The following ITGA8 variants were observed in gnomAD, a reference collection of about 807,000 sequenced individuals.
ITGA8 encodes integrin subunit alpha 8.
ITGA8 carries 91 observed loss-of-function variants against 142.3 expected under a neutral mutation model. The observed-to-expected ratio is 0.64, with a 90% CI of 0.54 to 0.76. The LOEUF (loss-of-function observed/expected upper bound fraction) is 0.76. Ranked by LOEUF, ITGA8 falls within the 30% of genes least tolerant of loss-of-function variation. ITGA8 has a pLI of 0.00. For synonymous variants in ITGA8, 505 were observed against 485.2 expected, an observed-to-expected ratio of 1.04 and a Z score of -0.54; for missense variants, 1,406 against 1,327.7, an observed-to-expected ratio of 1.06 and a Z score of -0.92.
At chr10:15,535,762 G>GC (rs1833418665) in intron 27 of ITGA8, among the ~76,000 whole-genome samples, 1 of 152,158 alleles carries the variant, frequency 6.6e-6, no homozygotes, top group East Asian at 1.9e-4. Context: ...AAAGCAGGCT[G>GC]CCTGGGACAG....
intron 2 of ITGA8, among the ~76,000 whole-genome samples, chr10:15,690,596 A>G (rs763027916): frequency 6.6e-6 from 1 of 152,186 alleles, no homozygotes; most frequent in Non-Finnish European, 1.5e-5. Context: ...TGCCTGAAAC[A>G]TAGCACCCCG....
At chr10:15,580,618 G>C (rs968347207) in intron 23 of ITGA8, among the ~76,000 whole-genome samples, 7 of 152,074 alleles carry the variant, frequency 4.6e-5, no homozygotes, top group African/African-American at 1.2e-4. Context: ...TGCAAGATTG[G>C]TTTAAAATTC....
chr10:15,694,594 G>T (rs1187431210), intron 2 of ITGA8, among the ~76,000 whole-genome samples: 2 of 121,000 alleles, frequency 1.7e-5, no homozygotes, highest in Non-Finnish European at 3.4e-5. Context: ...TATATAAAAT[G>T]GATATATAAT....
intron 22 of ITGA8, among the ~76,000 whole-genome samples, chr10:15,591,734 G>A (rs1215093822): frequency 1.3e-5 from 2 of 152,182 alleles, no homozygotes; most frequent in African/African-American, 4.8e-5. Flanking sequence ...CTAGAGAAGG[G>A]CTTGCCCTCA....
intron 11 of ITGA8, among the ~76,000 whole-genome samples, chr10:15,654,897 T>C (rs1392670641): frequency 1.3e-5 from 2 of 152,352 alleles, no homozygotes; most frequent in East Asian, 3.9e-4. Context: ...GTTTGGTCCA[T>C]GTTCAACTGT....
At chr10:15,582,291 T>C (rs1252999563) in intron 23 of ITGA8, among the ~76,000 whole-genome samples, 2 of 152,138 alleles carry the variant, frequency 1.3e-5, no homozygotes, top group Non-Finnish European at 2.9e-5. Flanking sequence ...TCACACCAGA[T>C]ACAATTAGCT....
chr10:15,561,720 A>G (rs957762757), intron 25 of ITGA8, among the ~76,000 whole-genome samples: 1 of 152,162 alleles, frequency 6.6e-6, no homozygotes, highest in Non-Finnish European at 1.5e-5. Context: ...CTTTCTCTGG[A>G]AGTGTTAGAA....
intron 4 of ITGA8, among the ~76,000 whole-genome samples, chr10:15,679,701 T>C (rs1214903664): frequency 6.6e-6 from 1 of 152,170 alleles, no homozygotes; most frequent in East Asian, 1.9e-4. Context: ...AAAGAGAAAA[T>C]TCTAGTAGTG....
At chr10:15,664,028 A>G (rs1198735354) in intron 8 of ITGA8, among the ~76,000 whole-genome samples, 1 of 152,236 alleles carries the variant, frequency 6.6e-6, no homozygotes, top group East Asian at 1.9e-4. Flanking sequence ...TTCTTGTAAC[A>G]GCCAACAGCA....
chr10:15,545,528 C>T (rs545495778), intron 27 of ITGA8, among the ~76,000 whole-genome samples: 16 of 152,262 alleles, frequency 1.1e-4, no homozygotes, highest in Non-Finnish European at 1.6e-4. Context: ...ACATGCCTAC[C>T]GCTGACTTTA....
intron 13 of ITGA8, among the ~76,000 whole-genome samples, chr10:15,629,493 C>T (rs948665286): frequency 6.6e-6 from 1 of 152,036 alleles, no homozygotes; most frequent in Non-Finnish European, 1.5e-5. Flanking sequence ...TTGTCTATGT[C>T]ATCTTATGTA....
At chr10:15,615,820 C>CT (rs9333149) in intron 14 of ITGA8, among the ~76,000 whole-genome samples, 276 of 150,386 alleles carry the variant, frequency 1.8e-3, no homozygotes, top group African/African-American at 5.8e-3. Context: ...TGCCATAAAA[C>CT]TTTTTTTTTT....
chr10:15,674,433 G>C (rs947068077), intron 6 of ITGA8, among the ~76,000 whole-genome samples: 1 of 152,126 alleles, frequency 6.6e-6, no homozygotes, highest in African/African-American at 2.4e-5. Context: ...TTCAGTTTAA[G>C]GAGAAGAATG....
intron 12 of ITGA8, among the ~76,000 whole-genome samples, chr10:15,644,953 C>G (rs9333265): frequency 6.6e-6 from 1 of 151,488 alleles, no homozygotes; most frequent in Non-Finnish European, 1.5e-5. Context: ...ATTAGCCTGG[C>G]GTAGTGGCGG....
intron 4 of ITGA8, among the ~76,000 whole-genome samples, chr10:15,680,694 C>T (rs944090813): frequency 6.6e-5 from 10 of 151,310 alleles, no homozygotes; most frequent in African/African-American, 1.2e-4. Context: ...GTAAATTATT[C>T]GAAAGGGAAG....
At chr10:15,685,467 T>A (rs992397811) in intron 3 of ITGA8, among the ~76,000 whole-genome samples, 1 of 152,212 alleles carries the variant, frequency 6.6e-6, no homozygotes, top group Non-Finnish European at 1.5e-5. Flanking sequence ...AAGGTTTGCA[T>A]ATAAAACTTG....
At chr10:15,546,975 A>C (rs949877896) in intron 27 of ITGA8, among the ~76,000 whole-genome samples, 8 of 152,088 alleles carry the variant, frequency 5.3e-5, no homozygotes, top group Non-Finnish European at 1.0e-4. Flanking sequence ...AAGATTGACG[A>C]GACTGTAGAA....
At chr10:15,613,818 G>T in intron 14 of ITGA8, 51 bp from the exon 15 acceptor site, 1 of 1,250,620 alleles carries the variant, frequency 8.0e-7, no homozygotes, top group Non-Finnish European at 1.2e-6. Flanking sequence ...AGGGTGATAG[G>T]CAGGCAGAAG....
Position 15,646,918 on chromosome 10 carries a change from C to T in ITGA8, c.1135G>A (p.Gly379Ser). The change falls in exon 12 of 30, where the codon GGC becomes AGC. Residue 379 changes from glycine to serine, a missense_variant. Gly to Ser is a moderately conservative substitution (Grantham distance 56). Coordinates refer to ENST00000378076, the MANE Select transcript of ITGA8 (RefSeq NM_003638.3). Reference protein sequence around the residue: ...LLFRDPQILTGTETFGRFGSA... With the variant: ...LLFRDPQILTSTETFGRFGSA... ...CCGAATCTCCCAAACGTCTCGGTGC[C>T]AGTGAGGATCTGGGGGTCTCTGAAG... 1.2e-6 allele frequency: 2 copies of T among 1,614,058 alleles called. No homozygotes were observed.
Sources: allele counts gnomAD v4.1 joint callset (sites outside exome capture counted in the v4.1 genomes callset), GRCh38; gene constraint gnomAD v4.1.1; transcripts MANE v1.5; gene names NCBI Gene and HGNC (gene_info 2026-07-23, HGNC 2026-07-21).